RPAP3: variants seen among roughly 807,000 people sequenced by gnomAD.
The protein encoded by RPAP3 is RNA polymerase II associated protein 3.
A neutral mutation model predicts 88.8 loss-of-function variants in RPAP3; 58 were observed. The ratio of observed to expected loss-of-function variants is 0.65; its 90% CI spans 0.53 to 0.81. The LOEUF (loss-of-function observed/expected upper bound fraction) is 0.81, where lower values mean the gene tolerates loss of function less well. Ranked by LOEUF, RPAP3 falls within the 40% of genes least tolerant of loss-of-function variation. The pLI, the probability that RPAP3 is intolerant of heterozygous loss-of-function variation, is 0.00. For missense variants in RPAP3, 751 were observed against 764.3 expected (o/e 0.98, Z 0.20); for synonymous variants, 255 against 259.9 (o/e 0.98, Z 0.18).
chr12:47,666,489 A>G (rs934797093), intron 16 of RPAP3, among the ~76,000 whole-genome samples: 3 of 152,166 alleles, frequency 2.0e-5, no homozygotes, highest in African/African-American at 7.2e-5. Context: ...AATCAAACTC[A>G]AGGAAATTAC....
chr12:47,696,207 CTT>C, intron 5 of RPAP3, 67 bp downstream of exon 5: 1 of 1,301,160 alleles, frequency 7.7e-7, no homozygotes, highest in Non-Finnish European at 1.0e-6. Flanking sequence ...TTATTCCACA[CTT>C]TTTTTTAATA....
chr12:47,672,805 T>C (rs565577710), intron 12 of RPAP3, among the ~76,000 whole-genome samples: 4 of 152,224 alleles, frequency 2.6e-5, no homozygotes, highest in Non-Finnish European at 5.9e-5. Flanking sequence ...ATTCACATTG[T>C]ATTTTCACAA....
rs1024699282 is a variant in RPAP3 at position 47,668,088 on chromosome 12, C to T, written c.1714-237G>A. On this transcript the variant is annotated intron_variant, in intron 14 of 16. Transcript: ENST00000005386. Reference sequence around the variant, plus strand: ...GCACATCCCTGTAATCCCAGCTACTCGGAGACTGAGGCAGGAGAATTGCTT... The same window carrying T: ...GCACATCCCTGTAATCCCAGCTACTTGGAGACTGAGGCAGGAGAATTGCTT... Among the ~76,000 whole-genome samples, 3 of 151,988 alleles carry T rather than the reference C, an allele frequency of 2.0e-5. No homozygotes were observed. In the East Asian group the frequency reaches 5.8e-4, roughly 29 times the overall value.
intron 12 of RPAP3, among the ~76,000 whole-genome samples, chr12:47,676,543 A>C (rs575782609): frequency 3.2e-4 from 49 of 152,366 alleles, no homozygotes; most frequent in African/African-American, 1.1e-3. Flanking sequence ...AAATATACAC[A>C]ATACAAAATG....
At chr12:47,667,491 A>G (rs1938902258) in intron 15 of RPAP3, among the ~76,000 whole-genome samples, 1 of 152,212 alleles carries the variant, frequency 6.6e-6, no homozygotes, top group Non-Finnish European at 1.5e-5. Flanking sequence ...AAAGAGAATC[A>G]ACTTCCCAAA....
At chr12:47,678,089 A>C (rs991292482) in intron 12 of RPAP3, among the ~76,000 whole-genome samples, 9 of 152,202 alleles carry the variant, frequency 5.9e-5, no homozygotes, top group African/African-American at 2.2e-4. Context: ...CTCAGAAATA[A>C]CACCACACAT....
intron 14 of RPAP3, among the ~76,000 whole-genome samples, chr12:47,668,168 C>T (rs936469431): frequency 7.9e-5 from 12 of 152,120 alleles, no homozygotes; most frequent in Non-Finnish European, 1.6e-4. Context: ...GCACTCCAGC[C>T]TGGGCAACAA....
Position 47,663,514 on chromosome 12 carries a change from GTATC to G in RPAP3, c.1985_1988del (p.Arg662ThrfsTer9). On this transcript the variant is annotated frameshift_variant, in exon 17 of 17. Coordinates refer to ENST00000005386, the MANE Select transcript of RPAP3 (RefSeq NM_024604.3). LOFTEE classifies it high-confidence loss of function. The stretch of plus-strand genomic sequence containing the variant: ...TCAGCAAAAATGGAAATCAACCACC[GTATC>G]TTTTCTTGAGTTCTTCGACAGAACT... 6.3e-7 allele frequency: 1 copy of G among 1,579,894 alleles called. No individual in the cohort carries two copies. Among genetic ancestry groups the G allele is most frequent in the Non-Finnish European group, 8.6e-7 (1 of 1,161,594 alleles).
At chr12:47,697,745 G>A in intron 3 of RPAP3, 26 bp from the exon 4 acceptor site, 2 of 1,348,604 alleles carry the variant, frequency 1.5e-6, no homozygotes, top group East Asian at 2.3e-5. Context: ...GGAAAACAGG[G>A]GTCATAATTA....
rs1009689179 is a variant in RPAP3, at chr12:47,661,441, C to T, written c.*2064G>A. 1 of 152,192 alleles carries T rather than the reference C, an allele frequency of 6.6e-6. No individual in the cohort carries two copies. 9.4% of individuals were successfully genotyped at this position (152,192 alleles called of 1,614,324 possible). A position where few individuals can be genotyped will look rare whatever the true frequency, so the allele number is the denominator to read the frequency against. On this transcript the variant is annotated 3_prime_UTR_variant, in exon 17 of 17. Coordinates refer to ENST00000005386, the MANE Select transcript of RPAP3 (RefSeq NM_024604.3). ...AACAAAATGTGTGCATTCATTCAATCTCACTTATACCCATTCTACAGATTT... is the reference window on the plus strand; with the variant it reads ...AACAAAATGTGTGCATTCATTCAATTTCACTTATACCCATTCTACAGATTT...
At position 47,697,738 on chromosome 12, in the gene RPAP3, A is replaced by C; in HGVS notation, c.295-19T>G. ...TACGGTCCTAAAATCAAAAGACGGA[A>C]AACAGGGGTCATAATTATATGATTA... On this transcript the variant is annotated intron_variant, in intron 3 of 16. Coordinates refer to ENST00000005386, the MANE Select transcript of RPAP3 (RefSeq NM_024604.3). 1 of 1,578,496 alleles carries C rather than the reference A, an allele frequency of 6.3e-7. No individual in the cohort carries two copies. Among genetic ancestry groups the C allele is most frequent in the South Asian group, 1.2e-5 (1 of 83,752 alleles).
chr12:47,696,814 A>G (rs574380520), intron 4 of RPAP3, among the ~76,000 whole-genome samples: 1 of 152,348 alleles, frequency 6.6e-6, no homozygotes, highest in East Asian at 1.9e-4. Context: ...GTGCTAATCA[A>G]CTATTTGTAT....
At position 47,688,006 on chromosome 12, in the gene RPAP3, G is replaced by C; in HGVS notation, c.739-5C>G. 6.2e-7 allele frequency: 1 copy of C among 1,602,854 alleles called. No individual in the cohort carries two copies. Among genetic ancestry groups the C allele is most frequent in the East Asian group, 2.3e-5 (1 of 44,094 alleles). ...GTTTTCTTTGGATGCTAAAGCCTAGGAGACATAGCAGTCAGCTAAAATAAA... is the reference window on the plus strand; with the variant it reads ...GTTTTCTTTGGATGCTAAAGCCTAGCAGACATAGCAGTCAGCTAAAATAAA... On this transcript the variant is annotated splice_region_variant and splice_polypyrimidine_tract_variant and intron_variant, in intron 7 of 16. Coordinates refer to ENST00000005386, the MANE Select transcript of RPAP3 (RefSeq NM_024604.3).
Position 47,701,527 on chromosome 12 carries a change from T to C in RPAP3, c.231A>G (p.Arg77=), listed in dbSNP as rs1939652937. ...GKAKESSKKT[R]EENTKNRIKS... ...TTATCCTGTTTTTTGTGTTTTCCTC[T>C]CTGGTTTTTTTGGAAGACTCTTTAG... The change falls in exon 3 of 17, where the codon AGA becomes AGG. Residue 77 remains arginine (R), a synonymous_variant. Coordinates refer to ENST00000005386, the MANE Select transcript of RPAP3 (RefSeq NM_024604.3). 1.9e-6 allele frequency: 3 copies of C among 1,605,436 alleles called. No homozygotes were observed. Among genetic ancestry groups the C allele is most frequent in the Non-Finnish European group, 2.5e-6 (3 of 1,176,534 alleles).
intron 12 of RPAP3, among the ~76,000 whole-genome samples, chr12:47,671,457 T>G (rs1460041195): frequency 6.6e-6 from 1 of 152,196 alleles, no homozygotes; most frequent in Non-Finnish European, 1.5e-5. Flanking sequence ...TCTTCTGCAA[T>G]AGATAACAAA....
intron 1 of RPAP3, 137 bp from the exon 2 acceptor site, chr12:47,702,983 TAAAGA>T: frequency 2.2e-6 from 1 of 445,840 alleles, no homozygotes; most frequent in Non-Finnish European, 3.8e-6. Context: ...TGATGCTGAA[TAAAGA>T]AAAATCAATA....
intron 12 of RPAP3, among the ~76,000 whole-genome samples, chr12:47,674,628 A>T (rs377285341): frequency 1.3e-5 from 2 of 152,360 alleles, no homozygotes; most frequent in East Asian, 3.9e-4. Flanking sequence ...TGATTCGATA[A>T]AGTGGAAGAA....
chr12:47,675,910 A>G (rs1331537663), intron 12 of RPAP3, among the ~76,000 whole-genome samples: 1 of 152,222 alleles, frequency 6.6e-6, no homozygotes, highest in Non-Finnish European at 1.5e-5. Flanking sequence ...AGACATCTAC[A>G]GAACTCTCCA....
At chr12:47,669,215 T>G (rs1938945685) in intron 13 of RPAP3, 113 bp from the exon 14 acceptor site, 6 of 636,892 alleles carry the variant, frequency 9.4e-6, no homozygotes, top group Non-Finnish European at 1.6e-5. Context: ...GTATTATCTA[T>G]TTGTATTATA....
Sources: allele counts gnomAD v4.1 joint callset (sites outside exome capture counted in the v4.1 genomes callset), GRCh38; gene constraint gnomAD v4.1.1; transcripts MANE v1.5; gene names NCBI Gene and HGNC (gene_info 2026-07-23, HGNC 2026-07-21).